The following RPH3AL variants were observed in gnomAD, a reference collection of about 807,000 sequenced individuals.
RPH3AL encodes the protein rab effector Noc2.
In RPH3AL, 38 loss-of-function variants were observed where a neutral mutation model predicts 43.1. The observed-to-expected ratio is 0.88, with a 90% CI of 0.68 to 1.15. The LOEUF is 1.15. Ranked by LOEUF, RPH3AL falls within the 50% of genes most tolerant of loss-of-function variation. RPH3AL has a pLI of 0.00. For synonymous variants in RPH3AL, 189 were observed against 176.3 expected, an observed-to-expected ratio of 1.07 and a Z score of -0.57; for missense variants, 462 against 423.2, an observed-to-expected ratio of 1.09 and a Z score of -0.81.
chr17:235,549 C>G (rs1404397326), intron 7 of RPH3AL, among the ~76,000 whole-genome samples: 35 of 142,132 alleles, frequency 2.5e-4, no homozygotes, highest in African/African-American at 8.7e-4. Context: ...CAAGACGGGT[C>G]CCGGGTTCAA....
Position 213,685 on chromosome 17 carries a change from G to T in RPH3AL, c.*167C>A, listed in dbSNP as rs771666354. The T allele has an allele frequency of 4.6e-6, 3 of 649,566 alleles. No individual in the cohort carries two copies. Among genetic ancestry groups the T allele is most frequent in the Admixed American group, 4.5e-5 (2 of 44,006 alleles). 40.2% of individuals were successfully genotyped at this position (649,566 alleles called of 1,614,324 possible). On this transcript the variant is annotated 3_prime_UTR_variant, in exon 10 of 10. Transcript: ENST00000331302. ...TGCAGACAGCTCCCCAGGAGAGAAGGGGTGCAGAAAGGCACTGAGCTGGGG... is the reference window on the plus strand; with the variant it reads ...TGCAGACAGCTCCCCAGGAGAGAAGTGGTGCAGAAAGGCACTGAGCTGGGG...
chr17:254,557 A>T (rs79073317), intron 6 of RPH3AL, among the ~76,000 whole-genome samples: 108 of 3,862 alleles, frequency 0.028, no homozygotes, highest in Admixed American at 0.054. Context: ...GTGACTACCC[A>T]ACGTACTTCC....
At chr17:272,981 G>C (rs1424964294) in intron 6 of RPH3AL, among the ~76,000 whole-genome samples, 4 of 104,144 alleles carry the variant, frequency 3.8e-5, no homozygotes, top group African/African-American at 1.2e-4. Flanking sequence ...ACCCCAGCAA[G>C]GGCTACGTCA....
At position 235,545 on chromosome 17, in the gene RPH3AL, G is replaced by A. The variant is rs372967321; in HGVS notation, c.613+11566C>T. On this transcript the variant is annotated intron_variant, in intron 7 of 9. Coordinates refer to ENST00000331302, the MANE Select transcript of RPH3AL (RefSeq NM_006987.4). Reference sequence around the variant, plus strand: ...GGCGGAGGCTCCACACTAACAAGACGGGTCCCGGGTTCAAAGCTGGGGTCG... The same window carrying A: ...GGCGGAGGCTCCACACTAACAAGACAGGTCCCGGGTTCAAAGCTGGGGTCG... Among the ~76,000 whole-genome samples, 192 of 134,268 alleles carry A rather than the reference G, an allele frequency of 1.4e-3. 10 individuals are homozygous for A. Among genetic ancestry groups the A allele is most frequent in the Non-Finnish European group, 1.6e-3 (101 of 61,676 alleles). The allele number at this position is 134,268 out of a possible 152,430, so 88.1% of individuals were successfully genotyped here.
In RPH3AL at chr17:219,694, G is replaced by C. The variant is rs144349012; in HGVS notation, c.656C>G (p.Ser219Cys). 16 of 1,613,476 alleles carry C rather than the reference G, an allele frequency of 9.9e-6. No homozygotes were observed. The Admixed American group carries it at 2.5e-4, about 25-fold the overall frequency. Residue 219 changes from serine (S) to cysteine (C), a missense_variant, in exon 8 of 10, where the codon TCC (serine) becomes TGC (cysteine). Ser to Cys is a moderately radical substitution (Grantham distance 112). Coordinates refer to ENST00000331302, the MANE Select transcript of RPH3AL (RefSeq NM_006987.4). ...GGATGGGAGTCTGTCCTCTAGGCTG[G>C]AGGAGCTAAGATCCGAGTCACTGTC... Reference protein sequence around the residue: ...DSDSDSDLSSSSLEDRLPSTG... With the variant: ...DSDSDSDLSSCSLEDRLPSTG...
At chr17:314,568 C>T (rs111810758) in intron 5 of RPH3AL, among the ~76,000 whole-genome samples, 1 of 149,280 alleles carries the variant, frequency 6.7e-6, no homozygotes, top group Non-Finnish European at 1.5e-5. Context: ...TGCCCCACCT[C>T]CACTGACAGG....
chr17:349,814 A>G (rs2045318435), intron 1 of RPH3AL, among the ~76,000 whole-genome samples: 1 of 152,216 alleles, frequency 6.6e-6, no homozygotes, highest in African/African-American at 2.4e-5. Context: ...TTATGTAGTA[A>G]TAGCAGCAGC....
chr17:261,809 C>A (rs2042201465), intron 6 of RPH3AL: 1 of 152,114 alleles, frequency 6.6e-6, no homozygotes, highest in African/African-American at 2.4e-5. Context: ...AAAGGGAAAA[C>A]ACAGGATCCT....
chr17:218,609 T>C (rs562000933), intron 8 of RPH3AL, among the ~76,000 whole-genome samples: 2 of 152,346 alleles, frequency 1.3e-5, no homozygotes, highest in Non-Finnish European at 2.9e-5. Flanking sequence ...CGAATGAAGC[T>C]GGCCCTTTTC....
chr17:291,751 G>A (rs981468435), intron 5 of RPH3AL, among the ~76,000 whole-genome samples: 10 of 152,146 alleles, frequency 6.6e-5, no homozygotes. Context: ...AAATGACAAC[G>A]AAGCTGTGTG....
intron 6 of RPH3AL, among the ~76,000 whole-genome samples, chr17:279,405 A>G (rs988085631): frequency 6.6e-6 from 1 of 152,166 alleles, no homozygotes; most frequent in African/African-American, 2.4e-5. Flanking sequence ...ATCAGCCTCT[A>G]AAAATTCAAG....
chr17:272,299 T>C (rs1463987386), intron 6 of RPH3AL, among the ~76,000 whole-genome samples: 3 of 152,072 alleles, frequency 2.0e-5, no homozygotes, highest in Admixed American at 6.6e-5. Flanking sequence ...TAAAGACACA[T>C]GCACACGTAT....
chr17:247,359 C>T lies in RPH3AL; in HGVS notation c.439-74G>A, dbSNP rs1367910189. 22 of 1,428,252 alleles carry T rather than the reference C, an allele frequency of 1.5e-5. No homozygotes were observed. The East Asian group carries it at 2.2e-4, about 14-fold the overall frequency. 88.5% of individuals were successfully genotyped at this position (1,428,252 alleles called of 1,614,324 possible). ...CCCCTCCTGCTCCTTGCCCAGATGA[C>T]GGGAGGCAGGACGCGGAGAGCTAGG... On this transcript the variant is annotated intron_variant, in intron 6 of 9. Coordinates refer to ENST00000331302, the MANE Select transcript of RPH3AL (RefSeq NM_006987.4).
intron 5 of RPH3AL, among the ~76,000 whole-genome samples, chr17:285,271 T>C (rs2042879538): frequency 6.6e-6 from 1 of 152,140 alleles, no homozygotes; most frequent in Admixed American, 6.5e-5. Context: ...CTCGGCTCCT[T>C]CAGAGGCCGC....
chr17:253,171 G>A lies in RPH3AL; in HGVS notation c.439-5886C>T, dbSNP rs116287024. ...AGGGCATGAGGCCACCAGAGTGAGG[G>A]GCGTGGGGCGAACAATGGAGCTACC... On this transcript the variant is annotated intron_variant, in intron 6 of 9. Coordinates refer to ENST00000331302, the MANE Select transcript of RPH3AL (RefSeq NM_006987.4). 2.1e-3 allele frequency among the ~76,000 whole-genome samples: 321 copies of A among 152,336 alleles called. 2 individuals are homozygous for A. Among genetic ancestry groups the A allele is most frequent in the African/African-American group, 7.0e-3 (292 of 41,582 alleles).
At chr17:266,202 T>C (rs2042316023) in intron 6 of RPH3AL, among the ~76,000 whole-genome samples, 1 of 144,138 alleles carries the variant, frequency 6.9e-6, no homozygotes, top group South Asian at 2.1e-4. Flanking sequence ...AAGGCCCCAG[T>C]GGTGTGTGTG....
chr17:258,757 G>GTTTT lies in RPH3AL; in HGVS notation c.439-11476_439-11473dup, dbSNP rs372761475. On this transcript the variant is annotated intron_variant, in intron 6 of 9. Transcript: ENST00000331302. The stretch of plus-strand genomic sequence containing the variant: ...TCAGCCATTTTGGGATAGTCAACCC[G>GTTTT]TTTTTTTTTTTTTTTTTTTTTGAGA... Among the ~76,000 whole-genome samples the GTTTT allele has an allele frequency of 5.2e-4, 51 of 98,738 alleles. 17 individuals are homozygous for GTTTT. The highest frequency in any genetic ancestry group is 6.1e-4 in the Non-Finnish European group (29 of 47,460). 64.8% of individuals were successfully genotyped at this position (98,738 alleles called of 152,430 possible).
In RPH3AL at chr17:215,535, G is replaced by T; in HGVS notation, c.876+119C>A. On this transcript the variant is annotated intron_variant, in intron 9 of 9. Transcript: ENST00000331302. The surrounding 1 kb of genome is among the most constrained non-coding windows in gnomAD (Gnocchi z 4.1). ...CACCTTGTTCCCCCGCACAGTGCTTGGTAAACAACATGCAGAATTGAAAAC... is the reference window on the plus strand; with the variant it reads ...CACCTTGTTCCCCCGCACAGTGCTTTGTAAACAACATGCAGAATTGAAAAC... The T allele has an allele frequency of 2.1e-6, 2 of 970,422 alleles. No individual in the cohort carries two copies. The highest frequency in any genetic ancestry group is 2.7e-6 in the Non-Finnish European group (2 of 746,182). The allele number at this position is 970,422 out of a possible 1,614,324, so 60.1% of individuals were successfully genotyped here.
intron 3 of RPH3AL, 149 bp downstream of exon 3, chr17:327,318 G>A: frequency 1.5e-6 from 1 of 688,028 alleles, no homozygotes; most frequent in Non-Finnish European, 2.6e-6. Context: ...GAATGGCTGT[G>A]TCCAGGGCCT....
Sources: gnomAD v4.1 joint callset for allele counts (sites outside exome capture counted in the v4.1 genomes callset) on GRCh38, gnomAD v4.1.1 for gene constraint, Gnocchi (gnomAD v3.1) non-coding constraint, MANE v1.5 for transcripts, NCBI Gene and HGNC (gene_info 2026-07-23, HGNC 2026-07-21) for gene names.